Variants in LAMB4 observed in about 807,000 individuals in gnomAD.
The protein encoded by LAMB4 is laminin subunit beta 4, also known as laminin subunit beta-4.
In LAMB4, 196 loss-of-function variants were observed where a neutral mutation model predicts 199.2. The observed-to-expected ratio is 0.98, with a 90% CI of 0.88 to 1.11. LAMB4 has a LOEUF of 1.11. Ranked by LOEUF, LAMB4 falls within the 50% of genes least tolerant of loss-of-function variation. LAMB4 has a pLI of 0.00. For missense variants in LAMB4, 2,080 were observed against 2,171.2 expected, an observed-to-expected ratio of 0.96 and a Z score of 0.83; for synonymous variants, 744 against 770.6, an observed-to-expected ratio of 0.97 and a Z score of 0.57.
intron 15 of LAMB4, among the ~76,000 whole-genome samples, 159 bp from the exon 16 acceptor site, chr7:108,078,475 TC>T (rs1214729495): frequency 2.0e-5 from 3 of 152,242 alleles, no homozygotes; most frequent in South Asian, 2.1e-4. Context: ...AGAGGTTCAC[TC>T]TCAGGCCCAA....
At chr7:108,049,763 G>A (rs2035768536) in intron 26 of LAMB4, among the ~76,000 whole-genome samples, 1 of 152,206 alleles carries the variant, frequency 6.6e-6, no homozygotes, top group Non-Finnish European at 1.5e-5. Context: ...CAGATGTGGT[G>A]TGAGTCCTGG....
At chr7:108,121,134 A>T (rs906997761) in intron 2 of LAMB4, among the ~76,000 whole-genome samples, 1 of 152,212 alleles carries the variant, frequency 6.6e-6, no homozygotes, top group Non-Finnish European at 1.5e-5. Flanking sequence ...ATGTCTTTTG[A>T]CAATCAACAC....
chr7:108,103,299 A>T (rs1329419825), intron 9 of LAMB4, 67 bp from the exon 10 acceptor site: 3 of 1,337,392 alleles, frequency 2.2e-6, no homozygotes. Flanking sequence ...GTGCCCCCGC[A>T]CTGGTCAGGG....
At chr7:108,068,468 C>T (rs1284940136) in intron 18 of LAMB4, among the ~76,000 whole-genome samples, 1 of 152,130 alleles carries the variant, frequency 6.6e-6, no homozygotes, top group Non-Finnish European at 1.5e-5. Context: ...TATTGGCATT[C>T]TTAATACTTC....
intron 28 of LAMB4, among the ~76,000 whole-genome samples, chr7:108,046,631 T>C (rs2035636244): frequency 6.6e-6 from 1 of 152,066 alleles, no homozygotes; most frequent in Non-Finnish European, 1.5e-5. Context: ...TGCTCATTTA[T>C]AAATGACCAG....
chr7:108,091,594 C>T, intron 14 of LAMB4, 32 bp downstream of exon 14: 1 of 1,599,974 alleles, frequency 6.3e-7, no homozygotes, highest in Non-Finnish European at 8.5e-7. Flanking sequence ...TCATCAAACA[C>T]AGTCTGTAGG....
chr7:108,121,414 CAT>C (rs1045592433), intron 2 of LAMB4, among the ~76,000 whole-genome samples: 2 of 152,128 alleles, frequency 1.3e-5, no homozygotes, highest in East Asian at 1.9e-4. Flanking sequence ...GATGTAAACA[CAT>C]GTTTATACGT....
intron 30 of LAMB4, among the ~76,000 whole-genome samples, chr7:108,035,962 C>T (rs2150496461): frequency 6.6e-6 from 1 of 151,440 alleles, no homozygotes; most frequent in South Asian, 2.1e-4. Flanking sequence ...CAAGTTCAAT[C>T]AGTTCTCTGT....
At position 108,034,311 on chromosome 7, in the gene LAMB4, G is replaced by A. The variant is rs778124522; in HGVS notation, c.4715C>T (p.Thr1572Ile). Reference protein sequence around the residue: ...AANILLNLDKTLNQLQQAQIT... With the variant: ...AANILLNLDKILNQLQQAQIT... ...TTGAGCTTGTTGTAACTGGTTCAAT[G>A]TTTTGTCAAGATTTAATAGAATATT... The change falls in exon 31 of 34, where the codon ACA becomes ATA. Residue 1572 changes from threonine to isoleucine, a missense_variant. Coordinates refer to ENST00000388781, the MANE Select transcript of LAMB4 (RefSeq NM_007356.3). 1.9e-6 allele frequency: 3 copies of A among 1,611,482 alleles called. No homozygotes were observed. Among genetic ancestry groups the A allele is most frequent in the East Asian group, 2.2e-5 (1 of 44,842 alleles).
At chr7:108,022,112 A>G (rs140890720), downstream of LAMB4, among the ~76,000 whole-genome samples, 2 of 152,258 alleles carry the variant, frequency 1.3e-5, no homozygotes, top group Non-Finnish European at 2.9e-5. Flanking sequence ...TCTTGGAAAT[A>G]TCGCCTGATG....
At chr7:108,092,733 C>A (rs192752850) in intron 12 of LAMB4, among the ~76,000 whole-genome samples, 16 of 152,130 alleles carry the variant, frequency 1.1e-4, no homozygotes, top group Middle Eastern at 6.8e-3. Context: ...ATGGTGAAAC[C>A]CCATCTCTAC....
intron 14 of LAMB4, among the ~76,000 whole-genome samples, chr7:108,082,087 T>A (rs191326599): frequency 6.8e-4 from 104 of 152,096 alleles, no homozygotes; most frequent in African/African-American, 2.1e-3. Context: ...TCCTAGCACT[T>A]TGGGAGGCCG....
intron 9 of LAMB4, among the ~76,000 whole-genome samples, chr7:108,103,929 C>A (rs2037906703): frequency 6.6e-6 from 1 of 152,024 alleles, no homozygotes; most frequent in South Asian, 2.1e-4. Context: ...TCTGTTTTTC[C>A]TAGTCTAGGA....
At chr7:108,044,955 C>CA (rs756256335) in intron 28 of LAMB4, among the ~76,000 whole-genome samples, 11,951 of 55,880 alleles carry the variant, frequency 0.21, 773 homozygotes, top group East Asian at 0.25. Flanking sequence ...ATTCTTGTCT[C>CA]AAAAAAAAAA....
intron 2 of LAMB4, among the ~76,000 whole-genome samples, chr7:108,116,479 T>C (rs1351018872): frequency 6.6e-6 from 1 of 152,124 alleles, no homozygotes; most frequent in East Asian, 1.9e-4. Flanking sequence ...CCGAGAATAA[T>C]ACACTTGAAA....
rs2038131635 is a variant in LAMB4 at position 108,109,185 on chromosome 7, T to A, written c.388A>T (p.Ile130Phe). Reference sequence around the variant, plus strand: ...TTAGTCTGTACCTTAAAGGTCAGGATAAGGTGGCTGAACCGAAATAATGCC... The same window carrying A: ...TTAGTCTGTACCTTAAAGGTCAGGAAAAGGTGGCTGAACCGAAATAATGCC... ...LEALFRFSHLILTFKTFRPAA... is the reference protein window; with the variant it reads ...LEALFRFSHLFLTFKTFRPAA... The change falls in exon 5 of 34, where the codon ATC (isoleucine) becomes TTC (phenylalanine). Residue 130 changes from isoleucine to phenylalanine, a missense_variant. Transcript: ENST00000388781. The A allele has an allele frequency of 1.2e-6, 2 of 1,612,366 alleles. No homozygotes were observed. Among genetic ancestry groups the A allele is most frequent in the Non-Finnish European group, 1.7e-6 (2 of 1,178,520 alleles).
chr7:108,084,900 C>T (rs2037109733), intron 14 of LAMB4, among the ~76,000 whole-genome samples: 1 of 150,056 alleles, frequency 6.7e-6, no homozygotes, highest in Admixed American at 6.7e-5. Flanking sequence ...CACATCATCA[C>T]ACCCAGCCAA....
rs200418895 is a variant in LAMB4 at position 108,103,012 on chromosome 7, T to G, written c.1180+32A>C. On this transcript the variant is annotated intron_variant, in intron 10 of 33. Transcript: ENST00000388781. ...ATCAAACTGAACTTTGCTCAGACAG[T>G]GGGTAGGATCCAGGCAGACCCGGGG... 1.5e-4 allele frequency: 222 copies of G among 1,504,210 alleles called. No individual in the cohort carries two copies. In the African/African-American group the frequency reaches 2.8e-3, roughly 19 times the overall value. 93.2% of individuals were successfully genotyped at this position (1,504,210 alleles called of 1,614,324 possible).
chr7:108,036,244 C>G (rs1240845376), intron 30 of LAMB4, among the ~76,000 whole-genome samples: 2 of 151,096 alleles, frequency 1.3e-5, no homozygotes, highest in African/African-American at 4.9e-5. Context: ...GGCTGGAGTG[C>G]AACGGCGCAA....
Sources: allele counts gnomAD v4.1 joint callset (sites outside exome capture counted in the v4.1 genomes callset), GRCh38; gene constraint gnomAD v4.1.1; transcripts MANE v1.5; gene names NCBI Gene and HGNC (gene_info 2026-07-23, HGNC 2026-07-21).